The following TSPOAP1 variants were observed in gnomAD, a reference collection of about 807,000 sequenced individuals.
TSPOAP1 encodes TSPO associated protein 1, also known as peripheral-type benzodiazepine receptor-associated protein 1.
Under a neutral mutation model 197.0 loss-of-function variants are expected in TSPOAP1, and 87 were observed. That is an observed-to-expected ratio of 0.44 (90% CI 0.37 to 0.53). The LOEUF is 0.53. Among genes scored for constraint, TSPOAP1 ranks in the 20% least tolerant of loss-of-function variants. The pLI is 0.00. For synonymous variants in TSPOAP1, 913 were observed against 998.9 expected (o/e 0.91, Z 1.62); for missense variants, 2,174 against 2,411.3 (o/e 0.90, Z 2.06).
chr17:58,316,303 A>G, intron 15 of TSPOAP1, 122 bp downstream of exon 15: 4 of 1,103,262 alleles, frequency 3.6e-6, no homozygotes, highest in Non-Finnish European at 5.4e-6. Context: ...AGGTTATTAG[A>G]ATAGGTCCAT....
chr17:58,305,890 C>T, intron 26 of TSPOAP1, 25 bp from the exon 27 acceptor site: 1 of 1,609,488 alleles, frequency 6.2e-7, no homozygotes, highest in Non-Finnish European at 8.5e-7. Flanking sequence ...TGCCTGTGAG[C>T]CCCCTCCCAC....
intron 23 of TSPOAP1, 36 bp from the exon 24 acceptor site, chr17:58,307,798 G>T (rs571801096): frequency 6.2e-7 from 1 of 1,613,544 alleles, no homozygotes; most frequent in Non-Finnish European, 8.5e-7. Context: ...GACGCAGCGA[G>T]CTCTGGCCGA....
intron 5 of TSPOAP1, 97 bp from the exon 6 acceptor site, chr17:58,323,642 C>A (rs920994467): frequency 7.7e-7 from 1 of 1,296,686 alleles, no homozygotes; most frequent in South Asian, 1.4e-5. Flanking sequence ...CCCACCCCAT[C>A]ATTCAGCCAG....
chr17:58,321,099 C>T (rs927684729), intron 10 of TSPOAP1, among the ~76,000 whole-genome samples: 1 of 152,172 alleles, frequency 6.6e-6, no homozygotes, highest in Non-Finnish European at 1.5e-5. Flanking sequence ...CTGTGGACAG[C>T]TCCCCTTGAA....
Position 58,323,012 on chromosome 17 carries a change from C to T in TSPOAP1, c.1132G>A (p.Glu378Lys), listed in dbSNP as rs75154057. The T allele has an allele frequency of 3.7e-6, 6 of 1,610,956 alleles. No individual in the cohort carries two copies. The highest frequency in any genetic ancestry group is 4.5e-5 in the East Asian group (2 of 44,778). ...TTCTCCTCCACCAGGCGGGCATTCT[C>T]ATTCTGCGCTTGTCTCAGCTGCAGT... ...LELQLRQAQN[E>K]NARLVEENSR... Residue 378 changes from glutamate (E) to lysine (K), a missense_variant, in exon 8 of 32, where the codon GAG (glutamate) becomes AAG (lysine). Glu to Lys is a moderately conservative substitution (Grantham distance 56). Coordinates refer to ENST00000343736, the MANE Select transcript of TSPOAP1 (RefSeq NM_004758.4).
chr17:58,301,971 G>T lies in TSPOAP1; in HGVS notation c.*509C>A. ...TGGGACACTAGTAGACGAGGTGGGT[G>T]GACCAGGACGCGAGGGTCCTGGGTC... On this transcript the variant is annotated 3_prime_UTR_variant, in exon 32 of 32. Transcript: ENST00000343736. The T allele has an allele frequency of 4.1e-6, 1 of 245,284 alleles. No individual in the cohort carries two copies. The highest frequency in any genetic ancestry group is 4.1e-5 in the South Asian group (1 of 24,548). The allele number at this position is 245,284 out of a possible 1,614,324, so 15.2% of individuals were successfully genotyped here.
At chr17:58,306,491 G>C in intron 25 of TSPOAP1, 78 bp from the exon 26 acceptor site, 8 of 1,335,702 alleles carry the variant, frequency 6.0e-6, no homozygotes, top group Non-Finnish European at 8.3e-6. Flanking sequence ...TTTCCTCTCA[G>C]GGCCGTGCTA....
At position 58,301,995 on chromosome 17, in the gene TSPOAP1, T is replaced by C. The variant is rs1970734570; in HGVS notation, c.*485A>G. ...TGGACCAGGACGCGAGGGTCCTGGGTCCAGTCCTGGCTCAGTGACCTTGGT... is the reference window on the plus strand; with the variant it reads ...TGGACCAGGACGCGAGGGTCCTGGGCCCAGTCCTGGCTCAGTGACCTTGGT... On this transcript the variant is annotated 3_prime_UTR_variant, in exon 32 of 32. Coordinates refer to ENST00000343736, the MANE Select transcript of TSPOAP1 (RefSeq NM_004758.4). The C allele has an allele frequency of 3.5e-6, 1 of 287,132 alleles. No homozygotes were observed. Among genetic ancestry groups the C allele is most frequent in the African/African-American group, 2.3e-5 (1 of 43,496 alleles). 17.8% of individuals were successfully genotyped at this position (287,132 alleles called of 1,614,324 possible).
intron 24 of TSPOAP1, among the ~76,000 whole-genome samples, chr17:58,307,186 C>T (rs1001936136): frequency 6.6e-6 from 1 of 152,208 alleles, no homozygotes; most frequent in African/African-American, 2.4e-5. Flanking sequence ...CATGGCCATG[C>T]CCTTTGCCCA....
intron 10 of TSPOAP1, among the ~76,000 whole-genome samples, chr17:58,321,785 T>A (rs1209383858): frequency 1.3e-5 from 2 of 152,176 alleles, no homozygotes. Context: ...AAATTATGAC[T>A]CAGATCATGT....
At chr17:58,311,312 G>C in intron 18 of TSPOAP1, 99 bp from the exon 19 acceptor site, 1 of 1,505,470 alleles carries the variant, frequency 6.6e-7, no homozygotes, top group Non-Finnish European at 9.0e-7. Context: ...AGCAGTGGCA[G>C]CTAGCATTAC....
rs561022287 is a variant in TSPOAP1, at chr17:58,311,637, G to A, written c.3015C>T (p.Ile1005=). 70 of 1,611,228 alleles carry A rather than the reference G, an allele frequency of 4.3e-5. No individual in the cohort carries two copies. In the South Asian group the frequency reaches 5.4e-4, roughly 12 times the overall value. ...ILIISWLPVT[I]DAAGTSNGVR... is the part of the protein sequence containing the mutation. Reference sequence around the variant, plus strand: ...CACCGTTGGATGTGCCAGCAGCATCGATGGTGACTGGGAGCCAACTGATGA... The same window carrying A: ...CACCGTTGGATGTGCCAGCAGCATCAATGGTGACTGGGAGCCAACTGATGA... The change falls in exon 18 of 32, where the codon ATC becomes ATT. Residue 1005 remains isoleucine (I), a synonymous_variant. Coordinates refer to ENST00000343736, the MANE Select transcript of TSPOAP1 (RefSeq NM_004758.4).
chr17:58,327,264 G>C (rs11656162), intron 1 of TSPOAP1, among the ~76,000 whole-genome samples: 4,680 of 152,090 alleles, frequency 0.031, 84 homozygotes, highest in South Asian at 0.055. Context: ...AGCCCCTAAG[G>C]ACAGACAGAC....
At chr17:58,302,582 C>T (rs1021442992) in intron 31 of TSPOAP1, 135 bp from the exon 32 acceptor site, 1 of 456,374 alleles carries the variant, frequency 2.2e-6, no homozygotes, top group Middle Eastern at 8.9e-4. Context: ...ACCAGGGCCT[C>T]ACCTCCCACC....
Position 58,309,931 on chromosome 17 carries a change from G to A in TSPOAP1, c.3891+36C>T. On this transcript the variant is annotated intron_variant, in intron 21 of 31. Coordinates refer to ENST00000343736, the MANE Select transcript of TSPOAP1 (RefSeq NM_004758.4). This position sits in a 1 kb window ranked among gnomAD's most constrained non-coding sequence, Gnocchi z 5.0. ...ACAGTGGGGAGGCCCCGGAGTTTGA[G>A]GCCTGGGGCCCAACAGCCCATCCCT... 6.3e-7 allele frequency: 1 copy of A among 1,574,990 alleles called. No individual in the cohort carries two copies. The highest frequency in any genetic ancestry group is 1.3e-5 in the African/African-American group (1 of 74,380).
intron 22 of TSPOAP1, 115 bp downstream of exon 22, chr17:58,308,426 C>T: frequency 1.4e-6 from 2 of 1,445,232 alleles, no homozygotes; most frequent in Non-Finnish European, 1.8e-6. Context: ...GAGGCCCGGC[C>T]CCACCTCTGC....
Position 58,309,149 on chromosome 17 carries a change from G to C in TSPOAP1, c.4123C>G (p.Arg1375Gly), listed in dbSNP as rs143395560. 1.5e-5 allele frequency: 24 copies of C among 1,613,806 alleles called. No individual in the cohort carries two copies. Among genetic ancestry groups the C allele is most frequent in the Non-Finnish European group, 1.9e-5 (23 of 1,180,028 alleles). The change falls in exon 22 of 32, where the codon CGA becomes GGA. Residue 1375 changes from arginine (R) to glycine (G), a missense_variant. Transcript: ENST00000343736. The surrounding 1 kb of genome is among the most constrained non-coding windows in gnomAD (Gnocchi z 5.0). ...GACAAGGGACACTGGCCAGGTCTTCGGGGCTGACCACTGTCACAGCCCAGC... is the reference window on the plus strand; with the variant it reads ...GACAAGGGACACTGGCCAGGTCTTCCGGGCTGACCACTGTCACAGCCCAGC... ...LGLGCDSGQP[R>G]RPGQCPLSPE...
chr17:58,305,627 G>A lies in TSPOAP1; in HGVS notation c.5274C>T (p.Val1758=), dbSNP rs371064450. ...AQPCPGPPKL[V]PSADLKAPHS... ...GGGGAGCTTTCAGGTCAGCAGAGGG[G>A]ACCAGCTTAGGGGGGCCTGCAGGGG... The change falls in exon 28 of 32, where the codon GTC becomes GTT. Residue 1758 remains valine (V), a synonymous_variant. Transcript: ENST00000343736. 15 of 1,546,586 alleles carry A rather than the reference G, an allele frequency of 9.7e-6. No individual in the cohort carries two copies. Among genetic ancestry groups the A allele is most frequent in the Middle Eastern group, 1.7e-4 (1 of 5,730 alleles).
At chr17:58,320,214 C>A (rs1308808877) in intron 11 of TSPOAP1, 85 bp from the exon 12 acceptor site, 4 of 1,511,186 alleles carry the variant, frequency 2.6e-6, no homozygotes, top group African/African-American at 1.4e-5. Context: ...GAGAAGGGGG[C>A]CTAAGTGGAT....
Sources: gnomAD v4.1 joint callset for allele counts (sites outside exome capture counted in the v4.1 genomes callset) on GRCh38, gnomAD v4.1.1 for gene constraint, Gnocchi (gnomAD v3.1) non-coding constraint, MANE v1.5 for transcripts, NCBI Gene and HGNC (gene_info 2026-07-23, HGNC 2026-07-21) for gene names.